Variants in RSU1 observed in about 807,000 individuals in gnomAD.
The protein encoded by RSU1 is rsu-1.
Under a neutral mutation model 31.1 loss-of-function variants are expected in RSU1, and 26 were observed. The observed-to-expected ratio is 0.84, with a 90% CI of 0.61 to 1.16. RSU1 has a LOEUF of 1.16. Among genes scored for constraint, RSU1 ranks in the 50% most tolerant of loss-of-function variants. RSU1 has a pLI of 0.00. For synonymous variants in RSU1, 164 were observed against 136.3 expected (o/e 1.20, Z -1.41); for missense variants, 320 against 339.1 (o/e 0.94, Z 0.44).
intron 8 of RSU1, among the ~76,000 whole-genome samples, chr10:16,687,034 T>C (rs1166772236): frequency 6.6e-6 from 1 of 151,948 alleles, no homozygotes; most frequent in Non-Finnish European, 1.5e-5. Context: ...AAGCACAGAG[T>C]GCTGGAGGAT....
At chr10:16,700,635 G>A (rs182339138) in intron 7 of RSU1, among the ~76,000 whole-genome samples, 2 of 152,286 alleles carry the variant, frequency 1.3e-5, no homozygotes, top group Non-Finnish European at 2.9e-5. Context: ...TTACAGACAA[G>A]TGGCCGACTC....
At chr10:16,742,336 G>A (rs1416456735) in intron 7 of RSU1, among the ~76,000 whole-genome samples, 2 of 152,098 alleles carry the variant, frequency 1.3e-5, no homozygotes, top group South Asian at 2.1e-4. Flanking sequence ...GTCACGGTAA[G>A]GCCTAGATTT....
chr10:16,784,156 A>T (rs1036981983), intron 2 of RSU1, among the ~76,000 whole-genome samples: 1 of 146,978 alleles, frequency 6.8e-6, no homozygotes, highest in Non-Finnish European at 1.5e-5. Flanking sequence ...ATTACAGCTC[A>T]TTGCAGCCTC....
chr10:16,698,935 A>G (rs1224280231), intron 7 of RSU1, among the ~76,000 whole-genome samples: 1 of 152,212 alleles, frequency 6.6e-6, no homozygotes, highest in African/African-American at 2.4e-5. Context: ...AGTATCAAGC[A>G]ATGCTACTAA....
At chr10:16,647,307 T>G (rs1282850723) in intron 8 of RSU1, among the ~76,000 whole-genome samples, 1 of 152,156 alleles carries the variant, frequency 6.6e-6, no homozygotes, top group Non-Finnish European at 1.5e-5. Context: ...GATAGGTATG[T>G]AAAGTGGTTG....
chr10:16,697,479 C>T (rs1239442907), intron 7 of RSU1, among the ~76,000 whole-genome samples: 1 of 151,946 alleles, frequency 6.6e-6, no homozygotes, highest in African/African-American at 2.4e-5. Flanking sequence ...ATTTGGCCAA[C>T]ATGGCAAAAC....
At chr10:16,758,558 A>T (rs927384823) in intron 4 of RSU1, among the ~76,000 whole-genome samples, 1 of 152,208 alleles carries the variant, frequency 6.6e-6, no homozygotes, top group Non-Finnish European at 1.5e-5. Flanking sequence ...ACCTTCACCA[A>T]GTTACTCAGC....
rs376663521 is a variant in RSU1 at position 16,651,253 on chromosome 10, CTT to C, written c.731+43768_731+43769del. On this transcript the variant is annotated intron_variant, in intron 8 of 8. Transcript: ENST00000345264. ...TGATATGAAGCAACCTCTTTATTCT[CTT>C]GTTTCTAGGTTAAAAGGTGTTCTGT... Among the ~76,000 whole-genome samples, 105 of 152,286 alleles carry C rather than the reference CTT, an allele frequency of 6.9e-4. 3 individuals carry two copies. In the East Asian group the frequency reaches 0.019, roughly 27 times the overall value.
chr10:16,742,284 C>T (rs1836769919), intron 7 of RSU1, among the ~76,000 whole-genome samples: 1 of 152,118 alleles, frequency 6.6e-6, no homozygotes, highest in Non-Finnish European at 1.5e-5. Context: ...GTGAAGAATT[C>T]TGGAAAGGTC....
chr10:16,761,455 T>C (rs1837210195), intron 4 of RSU1, among the ~76,000 whole-genome samples: 1 of 152,132 alleles, frequency 6.6e-6, no homozygotes, highest in African/African-American at 2.4e-5. Flanking sequence ...ATTCCCTGTC[T>C]AGCCTGACCT....
chr10:16,725,276 T>G (rs1327487723), intron 7 of RSU1, among the ~76,000 whole-genome samples: 5 of 152,196 alleles, frequency 3.3e-5, no homozygotes, highest in Non-Finnish European at 7.4e-5. Flanking sequence ...CATCATTAAG[T>G]GGGCAACTCA....
intron 4 of RSU1, among the ~76,000 whole-genome samples, chr10:16,759,228 A>C (rs1000178283): frequency 7.2e-5 from 11 of 152,210 alleles, no homozygotes; most frequent in African/African-American, 2.7e-4. Context: ...GGCCGAGCCC[A>C]GTAGCTCACG....
intron 2 of RSU1, among the ~76,000 whole-genome samples, chr10:16,812,307 T>C (rs1838425115): frequency 6.6e-6 from 1 of 152,142 alleles, no homozygotes; most frequent in African/African-American, 2.4e-5. Context: ...CCAGGTGTGG[T>C]GGCGCACGCC....
At chr10:16,640,469 C>G (rs1215987162) in intron 8 of RSU1, among the ~76,000 whole-genome samples, 2 of 152,200 alleles carry the variant, frequency 1.3e-5, no homozygotes, top group African/African-American at 4.8e-5. Flanking sequence ...AAAAGTCAAT[C>G]TGATCACACC....
chr10:16,674,251 A>C (rs1399552742), intron 8 of RSU1, among the ~76,000 whole-genome samples: 2 of 152,076 alleles, frequency 1.3e-5, no homozygotes, highest in Non-Finnish European at 2.9e-5. Flanking sequence ...ATTTGATGGG[A>C]AATAGCTGGT....
rs373585615 is a variant in RSU1 at position 16,775,675 on chromosome 10, C to G, written c.160+6359G>C. Among the ~76,000 whole-genome samples, 36 of 152,298 alleles carry G rather than the reference C, an allele frequency of 2.4e-4. No individual in the cohort carries two copies. In the South Asian group the frequency reaches 7.2e-3, roughly 31 times the overall value. ...CATGATCTCAGGTGCTCACTCACTA[C>G]AGCCAAAAAATCGCAACACATGCCC... On this transcript the variant is annotated intron_variant, in intron 3 of 8. Coordinates refer to ENST00000345264, the MANE Select transcript of RSU1 (RefSeq NM_012425.4).
intron 8 of RSU1, among the ~76,000 whole-genome samples, chr10:16,597,439 G>A (rs1475431182): frequency 1.3e-5 from 2 of 152,174 alleles, no homozygotes; most frequent in Non-Finnish European, 2.9e-5. Context: ...TGAACTTGCT[G>A]CTCAAATCCT....
At chr10:16,702,552 T>G (rs1185833649) in intron 7 of RSU1, among the ~76,000 whole-genome samples, 1 of 152,218 alleles carries the variant, frequency 6.6e-6, no homozygotes, top group Non-Finnish European at 1.5e-5. Context: ...TTTGATGTCT[T>G]AAGATTTAAT....
intron 7 of RSU1, among the ~76,000 whole-genome samples, chr10:16,705,212 T>C (rs979646886): frequency 2.0e-5 from 3 of 152,192 alleles, no homozygotes; most frequent in African/African-American, 7.2e-5. Flanking sequence ...AACTTGCTTT[T>C]AAAGGCTAAT....
Sources: gnomAD v4.1 joint callset for allele counts (sites outside exome capture counted in the v4.1 genomes callset) on GRCh38, gnomAD v4.1.1 for gene constraint, MANE v1.5 for transcripts, NCBI Gene and HGNC (gene_info 2026-07-23, HGNC 2026-07-21) for gene names.